GNAT3: variants seen among roughly 807,000 people sequenced by gnomAD.
The protein encoded by GNAT3 is guanine nucleotide-binding protein G(t) subunit alpha-3.
In GNAT3, 31 loss-of-function variants were observed where a neutral mutation model predicts 37.7. The observed-to-expected ratio is 0.82, with a 90% CI of 0.62 to 1.11. GNAT3 has a LOEUF of 1.11. Among genes scored for constraint, GNAT3 ranks in the 50% most tolerant of loss-of-function variants. The pLI is 0.00. For missense variants in GNAT3, 437 were observed against 412.5 expected, an observed-to-expected ratio of 1.06 and a Z score of -0.51; for synonymous variants, 138 against 139.8, an observed-to-expected ratio of 0.99 and a Z score of 0.09.
intron 1 of GNAT3, among the ~76,000 whole-genome samples, chr7:80,504,254 T>C (rs1790889896): frequency 6.6e-6 from 1 of 152,016 alleles, no homozygotes; most frequent in Non-Finnish European, 1.5e-5. Flanking sequence ...AAGTTGGGGC[T>C]GCAGTGAGAC....
chr7:80,471,470 C>G (rs1790217899), intron 5 of GNAT3, among the ~76,000 whole-genome samples: 1 of 151,710 alleles, frequency 6.6e-6, no homozygotes, highest in Non-Finnish European at 1.5e-5. Context: ...AGAAAATGAC[C>G]ATGATTTTCT....
chr7:80,470,878 C>T (rs568761329), intron 5 of GNAT3, among the ~76,000 whole-genome samples: 1 of 151,664 alleles, frequency 6.6e-6, no homozygotes, highest in Non-Finnish European at 1.5e-5. Context: ...TACTGGGTGT[C>T]AACTTGACTG....
intron 7 of GNAT3, among the ~76,000 whole-genome samples, chr7:80,459,547 A>C (rs947305016): frequency 5.9e-5 from 9 of 152,220 alleles, no homozygotes; most frequent in Admixed American, 5.2e-4. Context: ...AATACAATGA[A>C]GGCTCTGCTT....
Position 80,474,264 on chromosome 7 carries a change from C to A in GNAT3, c.577G>T (p.Asp193Tyr). 6.2e-7 allele frequency: 1 copy of A among 1,603,880 alleles called. No individual in the cohort carries two copies. Among genetic ancestry groups the A allele is most frequent in the Non-Finnish European group, 8.5e-7 (1 of 1,174,494 alleles). The change falls in exon 5 of 8, where the codon GAC becomes TAC. Residue 193 changes from aspartate to tyrosine, a missense_variant. Coordinates refer to ENST00000398291, the MANE Select transcript of GNAT3 (RefSeq NM_001102386.3). Reference sequence around the variant, plus strand: ...ATTTGATCATACCTGAAGTGCAAGTCTTTAAAGGAGAATTGAGTTTCAATG... The same window carrying A: ...ATTTGATCATACCTGAAGTGCAAGTATTTAAAGGAGAATTGAGTTTCAATG... The part of the protein sequence containing the change: ...GIIETQFSFK[D>Y]LHFRMFDVGG...
At chr7:80,460,250 A>G (rs539902199) in intron 7 of GNAT3, among the ~76,000 whole-genome samples, 2 of 152,332 alleles carry the variant, frequency 1.3e-5, no homozygotes, top group East Asian at 3.9e-4. Context: ...GATTCCAGTT[A>G]TATTACATTC....
chr7:80,485,382 T>C (rs1278562151), intron 3 of GNAT3, among the ~76,000 whole-genome samples: 1 of 152,160 alleles, frequency 6.6e-6, no homozygotes, highest in African/African-American at 2.4e-5. Flanking sequence ...CTTACATATG[T>C]AGATATCAAA....
intron 1 of GNAT3, among the ~76,000 whole-genome samples, chr7:80,509,819 C>G (rs1271269725): frequency 6.6e-6 from 1 of 152,026 alleles, no homozygotes; most frequent in East Asian, 1.9e-4. Context: ...TATATATACT[C>G]TTTTTGAACA....
intron 1 of GNAT3, among the ~76,000 whole-genome samples, chr7:80,502,259 T>C (rs148842567): frequency 0.011 from 1,601 of 152,236 alleles, 34 homozygotes; most frequent in African/African-American, 0.037. Context: ...ACATTAAATA[T>C]GTATAGCTTT....
At chr7:80,468,335 A>G (rs1316732565) in intron 5 of GNAT3, among the ~76,000 whole-genome samples, 4 of 152,134 alleles carry the variant, frequency 2.6e-5, no homozygotes, top group African/African-American at 9.6e-5. Context: ...AAATTATTAT[A>G]TAATCTAGAG....
At chr7:80,493,377 A>T (rs938085850) in intron 2 of GNAT3, among the ~76,000 whole-genome samples, 1 of 152,186 alleles carries the variant, frequency 6.6e-6, no homozygotes, top group Non-Finnish European at 1.5e-5. Context: ...ACAGTAGGAA[A>T]GATCAGGTGT....
At chr7:80,468,429 A>G (rs921242098) in intron 5 of GNAT3, among the ~76,000 whole-genome samples, 14 of 152,122 alleles carry the variant, frequency 9.2e-5, no homozygotes, top group African/African-American at 3.4e-4. Flanking sequence ...TTATCTTTGA[A>G]AAATCACTTT....
At chr7:80,479,983 A>G (rs1018580131) in intron 3 of GNAT3, among the ~76,000 whole-genome samples, 2 of 152,136 alleles carry the variant, frequency 1.3e-5, no homozygotes, top group African/African-American at 2.4e-5. Flanking sequence ...TCCTGTTGGG[A>G]TAACATTTGG....
At chr7:80,504,240 C>A (rs1329293438) in intron 1 of GNAT3, among the ~76,000 whole-genome samples, 1 of 152,052 alleles carries the variant, frequency 6.6e-6, no homozygotes, top group East Asian at 1.9e-4. Flanking sequence ...CACTTGAGCC[C>A]AGGAAGTTGG....
At chr7:80,495,661 G>A (rs1790703261) in intron 1 of GNAT3, among the ~76,000 whole-genome samples, 1 of 151,940 alleles carries the variant, frequency 6.6e-6, no homozygotes, top group African/African-American at 2.4e-5. Flanking sequence ...GTAGAGACGG[G>A]TTTTACTACG....
rs1027116229 is a variant in GNAT3 at position 80,475,010 on chromosome 7, T to G, written c.462-631A>C. On this transcript the variant is annotated intron_variant, in intron 4 of 7. Coordinates refer to ENST00000398291, the MANE Select transcript of GNAT3 (RefSeq NM_001102386.3). ...TATCTAGTTAGCGCAATAAAAGAAGTACCATTTGTCTCTCTTCCTGGTCTA... is the reference window on the plus strand; with the variant it reads ...TATCTAGTTAGCGCAATAAAAGAAGGACCATTTGTCTCTCTTCCTGGTCTA... Among the ~76,000 whole-genome samples, 10 of 152,196 alleles carry G rather than the reference T, an allele frequency of 6.6e-5. No homozygotes were observed. In the East Asian group the frequency reaches 1.7e-3, roughly 27 times the overall value.
intron 1 of GNAT3, among the ~76,000 whole-genome samples, chr7:80,495,306 C>A (rs1308802380): frequency 6.6e-6 from 1 of 152,126 alleles, no homozygotes; most frequent in African/African-American, 2.4e-5. Context: ...AATATCCATA[C>A]TATTTTTTCA....
At chr7:80,492,450 C>T (rs1790613402) in intron 2 of GNAT3, among the ~76,000 whole-genome samples, 1 of 151,490 alleles carries the variant, frequency 6.6e-6, no homozygotes, top group Non-Finnish European at 1.5e-5. Context: ...ATATTAAAAC[C>T]TTCTCATATA....
chr7:80,462,444 C>T, intron 6 of GNAT3, 58 bp downstream of exon 6: 1 of 1,593,082 alleles, frequency 6.3e-7, no homozygotes, highest in South Asian at 1.1e-5. Context: ...TGTGGTAGTA[C>T]TACTGAAAAG....
intron 5 of GNAT3, among the ~76,000 whole-genome samples, chr7:80,473,082 G>T (rs576600342): frequency 1.3e-5 from 2 of 152,172 alleles, no homozygotes; most frequent in Admixed American, 6.6e-5. Context: ...AAGGTGAGGA[G>T]TCTGAAGAAA....
Sources: gnomAD v4.1 joint callset for allele counts (sites outside exome capture counted in the v4.1 genomes callset) on GRCh38, gnomAD v4.1.1 for gene constraint, MANE v1.5 for transcripts, NCBI Gene and HGNC (gene_info 2026-07-23, HGNC 2026-07-21) for gene names.